The following BAZ2B variants were observed in gnomAD, a reference collection of about 807,000 sequenced individuals.
BAZ2B encodes bromodomain adjacent to zinc finger domain protein 2B.
A neutral mutation model predicts 246.0 loss-of-function variants in BAZ2B; 91 were observed. That is an observed-to-expected ratio of 0.37 (90% CI 0.31 to 0.44). BAZ2B has a LOEUF of 0.44. Ranked by LOEUF, BAZ2B falls within the 20% of genes least tolerant of loss-of-function variation. The probability of loss-of-function intolerance (pLI) is 1.00; values close to 1 mark genes in which losing one functional copy is unlikely to be tolerated. For synonymous variants in BAZ2B, 855 were observed against 860.0 expected (o/e 0.99, Z 0.10); for missense variants, 2,332 against 2,533.7 (o/e 0.92, Z 1.71).
chr2:159,638,272 G>A, the BAZ2B span, among the ~76,000 whole-genome samples: 54,728 of 152,040 alleles, frequency 0.36, 10,053 homozygotes, highest in South Asian at 0.46. Flanking sequence ...TCTCAAGAAC[G>A]ACAGGCACAA....
At chr2:159,685,839 T>C in the BAZ2B span, among the ~76,000 whole-genome samples, 1 of 152,314 alleles carries the variant, frequency 6.6e-6, no homozygotes, top group Non-Finnish European at 1.5e-5. Flanking sequence ...ATGTAAGAGA[T>C]ATAGAAACTC....
At chr2:159,623,457 C>A in the BAZ2B span, among the ~76,000 whole-genome samples, 1 of 151,982 alleles carries the variant, frequency 6.6e-6, no homozygotes, top group African/African-American at 2.4e-5. Flanking sequence ...TAAATAAAAA[C>A]ATTTGTAACC....
intron 1 of BAZ2B, among the ~76,000 whole-genome samples, chr2:159,610,798 T>C (rs1694561727): frequency 6.6e-6 from 1 of 152,080 alleles, no homozygotes; most frequent in Admixed American, 6.6e-5. Flanking sequence ...CCTTATATAG[T>C]AAAAATTTAA....
intron 2 of BAZ2B, among the ~76,000 whole-genome samples, chr2:159,497,611 A>G (rs943546817): frequency 2.0e-5 from 3 of 152,226 alleles, no homozygotes; most frequent in Non-Finnish European, 4.4e-5. Context: ...AACATTTTCA[A>G]TGATAGAAAC....
intron 16 of BAZ2B, 123 bp from the exon 17 acceptor site, chr2:159,400,787 TC>T: frequency 5.7e-6 from 3 of 530,468 alleles, no homozygotes; most frequent in Non-Finnish European, 1.0e-5. Flanking sequence ...ACACCTGTAA[TC>T]CCAGCACTTT....
intron 2 of BAZ2B, among the ~76,000 whole-genome samples, chr2:159,490,451 C>T (rs1286098121): frequency 6.6e-6 from 1 of 152,122 alleles, no homozygotes; most frequent in African/African-American, 2.4e-5. Context: ...TAACATTTCA[C>T]GTTAACTCTT....
intron 1 of BAZ2B, among the ~76,000 whole-genome samples, chr2:159,564,324 C>A (rs2090157139): frequency 6.6e-6 from 1 of 152,054 alleles, no homozygotes; most frequent in Non-Finnish European, 1.5e-5. Context: ...TGGAAAGCAA[C>A]AGTAAATACT....
the BAZ2B span, among the ~76,000 whole-genome samples, chr2:159,669,361 G>A: frequency 6.6e-5 from 10 of 152,190 alleles, no homozygotes; most frequent in African/African-American, 2.4e-4. Context: ...TCTATCACAT[G>A]GTCTCTCTTT....
At chr2:159,560,307 A>G (rs2089695319) in intron 1 of BAZ2B, among the ~76,000 whole-genome samples, 1 of 152,188 alleles carries the variant, frequency 6.6e-6, no homozygotes, top group Non-Finnish European at 1.5e-5. Flanking sequence ...AATCATCACA[A>G]AATATTTAAT....
intron 27 of BAZ2B, among the ~76,000 whole-genome samples, chr2:159,352,233 T>C (rs987238596): frequency 2.0e-5 from 3 of 152,204 alleles, no homozygotes; most frequent in African/African-American, 4.8e-5. Flanking sequence ...TCCCTCTGCA[T>C]GGGATACTGT....
chr2:159,330,260 C>A (rs528878830), intron 34 of BAZ2B, among the ~76,000 whole-genome samples: 1 of 152,254 alleles, frequency 6.6e-6, no homozygotes, highest in African/African-American at 2.4e-5. Flanking sequence ...AGATACTATC[C>A]CATTTTACAA....
chr2:159,709,184 T>C, the BAZ2B span, among the ~76,000 whole-genome samples: 16 of 149,300 alleles, frequency 1.1e-4, no homozygotes, highest in African/African-American at 3.9e-4. Context: ...CCAGGCGCGG[T>C]GGCTAACGCC....
the BAZ2B span, among the ~76,000 whole-genome samples, chr2:159,698,848 T>G: frequency 6.6e-6 from 1 of 152,228 alleles, no homozygotes; most frequent in Admixed American, 6.5e-5. Flanking sequence ...TCTTACATAA[T>G]TGAATAGTAA....
chr2:159,697,496 T>G, the BAZ2B span, among the ~76,000 whole-genome samples: 2 of 152,212 alleles, frequency 1.3e-5, no homozygotes, highest in Non-Finnish European at 1.5e-5. Flanking sequence ...CAAAAGGAGC[T>G]ACTTGCTTTT....
the BAZ2B span, among the ~76,000 whole-genome samples, chr2:159,621,998 T>G: frequency 6.6e-6 from 1 of 151,222 alleles, no homozygotes; most frequent in Non-Finnish European, 1.5e-5. Context: ...CCCAGCTACA[T>G]GGGAGGCTGA....
intron 2 of BAZ2B, among the ~76,000 whole-genome samples, chr2:159,515,320 T>A (rs908653412): frequency 3.3e-5 from 5 of 152,070 alleles, no homozygotes; most frequent in Non-Finnish European, 7.4e-5. Flanking sequence ...TGTCACTCTT[T>A]ACTAAATCAC....
At chr2:159,649,532 C>T in the BAZ2B span, among the ~76,000 whole-genome samples, 1 of 152,116 alleles carries the variant, frequency 6.6e-6, no homozygotes, top group African/African-American at 2.4e-5. Flanking sequence ...TGGCCCAGTT[C>T]CTAACAGGTC....
chr2:159,359,473 C>G (rs1327574461), intron 27 of BAZ2B, among the ~76,000 whole-genome samples: 2 of 152,074 alleles, frequency 1.3e-5, no homozygotes, highest in Non-Finnish European at 2.9e-5. Context: ...AATAGCCTAC[C>G]AGCCAAAAAA....
At position 159,332,612 on chromosome 2, in the gene BAZ2B, A is replaced by G. The variant is rs771266885; in HGVS notation, c.5871T>C (p.His1957=). The G allele has an allele frequency of 2.5e-6, 4 of 1,613,974 alleles. No individual in the cohort carries two copies. The East Asian group carries it at 8.9e-5, about 36-fold the overall frequency. ...LLCDGCDKGC[H]TYCHRPKITT... ...TAATCTTGGGTCTATGGCAGTAGGTATGACAGCCTTTGTCACAGCCATCAC... is the reference window on the plus strand; with the variant it reads ...TAATCTTGGGTCTATGGCAGTAGGTGTGACAGCCTTTGTCACAGCCATCAC... Residue 1957 remains histidine, a synonymous_variant, in exon 34 of 37, where the codon CAT becomes CAC. Transcript: ENST00000392783.
Sources: allele counts gnomAD v4.1 joint callset (sites outside exome capture counted in the v4.1 genomes callset), GRCh38; gene constraint gnomAD v4.1.1; transcripts MANE v1.5; gene names NCBI Gene and HGNC (gene_info 2026-07-23, HGNC 2026-07-21).